The following ARL6 variants were observed in gnomAD, a reference collection of about 807,000 sequenced individuals.
The protein encoded by ARL6 is ARF like GTPase 6.
In ARL6, 18 loss-of-function variants were observed where a neutral mutation model predicts 27.1. That is an observed-to-expected ratio of 0.66 (90% CI 0.46 to 0.98). The LOEUF is 0.98. Ranked by LOEUF, ARL6 falls within the 50% of genes least tolerant of loss-of-function variation. The pLI, the probability that ARL6 is intolerant of heterozygous loss-of-function variation, is 0.00. For synonymous variants in ARL6, 65 were observed against 72.3 expected (o/e 0.90, Z 0.51); for missense variants, 187 against 214.9 (o/e 0.87, Z 0.81).
intron 2 of ARL6, 113 bp from the exon 3 acceptor site, chr3:97,780,046 C>A: frequency 1.3e-6 from 1 of 797,060 alleles, no homozygotes; most frequent in South Asian, 1.5e-5. Context: ...TTTGTTAAAT[C>A]CTATCATCTC....
At chr3:97,768,511 T>C (rs1043319573) in intron 2 of ARL6, among the ~76,000 whole-genome samples, 8 of 152,082 alleles carry the variant, frequency 5.3e-5, no homozygotes, top group African/African-American at 1.9e-4. Flanking sequence ...TTTAGTTTCC[T>C]CCTTACAGGA....
intron 2 of ARL6, among the ~76,000 whole-genome samples, chr3:97,777,225 C>G (rs989452954): frequency 1.3e-4 from 20 of 152,024 alleles, no homozygotes; most frequent in Non-Finnish European, 2.6e-4. Context: ...TGAAACTAAC[C>G]AAATAGGATC....
At chr3:97,785,487 C>CATATATAT (rs5851081) in intron 5 of ARL6, among the ~76,000 whole-genome samples, 4 of 145,900 alleles carry the variant, frequency 2.7e-5, no homozygotes, top group African/African-American at 7.6e-5. Context: ...CATATTTATT[C>CATATATAT]ATATATATAT....
intron 4 of ARL6, among the ~76,000 whole-genome samples, chr3:97,782,733 T>A (rs2037258291): frequency 6.6e-6 from 1 of 151,630 alleles, no homozygotes; most frequent in African/African-American, 2.4e-5. Context: ...CATAGAAGGT[T>A]GTATGTTAGC....
At chr3:97,775,726 A>G in intron 2 of ARL6, among the ~76,000 whole-genome samples, 1 of 152,148 alleles carries the variant, frequency 6.6e-6, no homozygotes, top group East Asian at 1.9e-4. Context: ...GTTAATTTCC[A>G]TGTGTTTTTA....
chr3:97,780,085 T>G (rs1391322781), intron 2 of ARL6, 74 bp from the exon 3 acceptor site: 4 of 1,232,900 alleles, frequency 3.2e-6, no homozygotes, highest in Non-Finnish European at 4.8e-6. Flanking sequence ...AAACTGAAAA[T>G]CTGGATACTT....
At chr3:97,772,911 C>T (rs193286153) in intron 2 of ARL6, among the ~76,000 whole-genome samples, 7 of 152,092 alleles carry the variant, frequency 4.6e-5, no homozygotes, top group Non-Finnish European at 7.4e-5. Flanking sequence ...TGAGCCACCA[C>T]GCCTGGCTGC....
chr3:97,790,726 T>C (rs1037972148), intron 6 of ARL6, among the ~76,000 whole-genome samples: 4 of 152,244 alleles, frequency 2.6e-5, no homozygotes, highest in Non-Finnish European at 4.4e-5. Flanking sequence ...TTTGTTTCTT[T>C]CTTTGTATTT....
At position 97,798,448 on chromosome 3, in the gene ARL6, T is replaced by C. The variant is rs2038104230; in HGVS notation, c.*399T>C. The C allele has an allele frequency of 6.4e-6, 1 of 156,034 alleles. No individual in the cohort carries two copies. The allele number at this position is 156,034 out of a possible 1,614,324, so 9.7% of individuals were successfully genotyped here. A position where few individuals can be genotyped will look rare whatever the true frequency, so the allele number is the denominator to read the frequency against. On this transcript the variant is annotated 3_prime_UTR_variant, in exon 8 of 8. Transcript: ENST00000463745. ...GAATTGTGCTTGTGAAAAAGAACTT[T>C]AAATATTTATAAGGGACCATGGGTA... is the stretch of plus-strand genomic sequence containing the variant.
rs146509289 is a variant in ARL6 at position 97,788,345 on chromosome 3, T to C, written c.479+226T>C. Among the ~76,000 whole-genome samples the C allele has an allele frequency of 4.1e-3, 631 of 152,276 alleles. 7 individuals are homozygous for C. Among genetic ancestry groups the C allele is most frequent in the African/African-American group, 0.015 (608 of 41,564 alleles). ...GATAGGAAAATATAAACAACTCTTA[T>C]AATGGAATAACTTAAAAGCTCACTT... On this transcript the variant is annotated intron_variant, in intron 6 of 7. Transcript: ENST00000463745.
chr3:97,790,216 G>A (rs1209398024), intron 6 of ARL6, among the ~76,000 whole-genome samples: 1 of 152,122 alleles, frequency 6.6e-6, no homozygotes, highest in African/African-American at 2.4e-5. Context: ...AGAAAGAATA[G>A]TGGGAGTTCC....
chr3:97,793,895 A>T (rs1157893085), intron 7 of ARL6, among the ~76,000 whole-genome samples: 1 of 152,182 alleles, frequency 6.6e-6, no homozygotes, highest in South Asian at 2.1e-4. Flanking sequence ...GAGTCCAGCA[A>T]ATTTATTCTA....
intron 1 of ARL6, among the ~76,000 whole-genome samples, 183 bp downstream of exon 1, chr3:97,765,160 A>C (rs2036308236): frequency 6.6e-6 from 1 of 150,998 alleles, no homozygotes; most frequent in Non-Finnish European, 1.5e-5. Flanking sequence ...GTTTGGACGT[A>C]TGTTTGGTTG....
At chr3:97,768,598 A>G (rs1005401406) in intron 2 of ARL6, among the ~76,000 whole-genome samples, 8 of 152,148 alleles carry the variant, frequency 5.3e-5, no homozygotes, top group Non-Finnish European at 1.0e-4. Context: ...TATAGTATGC[A>G]TATTAGTAAT....
chr3:97,769,221 A>G (rs1342516802), intron 2 of ARL6, among the ~76,000 whole-genome samples: 1 of 151,952 alleles, frequency 6.6e-6, no homozygotes, highest in Admixed American at 6.6e-5. Flanking sequence ...CTTTATGTTT[A>G]TTTATTGTTA....
chr3:97,766,562 T>C (rs1057458723), intron 1 of ARL6: 7 of 152,214 alleles, frequency 4.6e-5, no homozygotes, highest in African/African-American at 1.4e-4. Context: ...AAATTTAGTT[T>C]TGAAATTTCT....
intron 6 of ARL6, among the ~76,000 whole-genome samples, chr3:97,789,542 G>A (rs919461256): frequency 1.3e-5 from 2 of 151,974 alleles, no homozygotes; most frequent in Non-Finnish European, 2.9e-5. Context: ...GTATTTCTCT[G>A]TGAGAAAAAA....
chr3:97,787,881 A>T, intron 5 of ARL6, 109 bp from the exon 6 acceptor site: 1 of 1,073,962 alleles, frequency 9.3e-7, no homozygotes. Context: ...TGTGTGTGAT[A>T]TGAAAAAAGA....
chr3:97,785,696 C>T (rs2037425495), intron 5 of ARL6, among the ~76,000 whole-genome samples: 1 of 152,046 alleles, frequency 6.6e-6, no homozygotes. Context: ...ATATGGTTTA[C>T]TATGAATGTA....
Sources: allele counts gnomAD v4.1 joint callset (sites outside exome capture counted in the v4.1 genomes callset), GRCh38; gene constraint gnomAD v4.1.1; transcripts MANE v1.5; gene names NCBI Gene and HGNC (gene_info 2026-07-23, HGNC 2026-07-21).